Variants in CHCHD6 observed in about 807,000 individuals in gnomAD.
CHCHD6 encodes the protein coiled-coil-helix-coiled-coil-helix domain containing 6, also known as MICOS complex subunit MIC25.
A neutral mutation model predicts 32.3 loss-of-function variants in CHCHD6; 28 were observed. The observed-to-expected ratio is 0.87, with a 90% CI of 0.64 to 1.19. The LOEUF (loss-of-function observed/expected upper bound fraction) is 1.19. Ranked by LOEUF, CHCHD6 falls within the 50% of genes most tolerant of loss-of-function variation. CHCHD6 has a pLI of 0.00. For synonymous variants in CHCHD6, 122 were observed against 117.5 expected (o/e 1.04, Z -0.25); for missense variants, 333 against 307.0 (o/e 1.08, Z -0.63).
intron 6 of CHCHD6, among the ~76,000 whole-genome samples, chr3:126,934,623 A>G (rs903309174): frequency 3.0e-5 from 4 of 131,964 alleles, no homozygotes; most frequent in Non-Finnish European, 6.1e-5. Context: ...ATCTCGGCTC[A>G]CTGCAAGCTC....
At chr3:126,838,176 TATTTCAGCAGATGG>T (rs1407264740) in intron 4 of CHCHD6, among the ~76,000 whole-genome samples, 1 of 152,216 alleles carries the variant, frequency 6.6e-6, no homozygotes, top group Non-Finnish European at 1.5e-5. Flanking sequence ...GAGCCTACAG[TATTTCAGCAGATGG>T]TCTTGTAATA....
intron 1 of CHCHD6, among the ~76,000 whole-genome samples, chr3:126,722,077 G>A (rs1454127422): frequency 6.6e-6 from 1 of 152,162 alleles, no homozygotes; most frequent in African/African-American, 2.4e-5. Context: ...TGTCTTTGGT[G>A]TACAATGAGA....
intron 5 of CHCHD6, among the ~76,000 whole-genome samples, chr3:126,873,230 G>A (rs1282303860): frequency 7.2e-5 from 11 of 152,208 alleles, no homozygotes; most frequent in Admixed American, 6.5e-4. Context: ...GGAAAAGACC[G>A]CAGGCCTATT....
chr3:126,885,103 G>A (rs1033609548), intron 5 of CHCHD6, among the ~76,000 whole-genome samples: 2 of 152,190 alleles, frequency 1.3e-5, no homozygotes, highest in African/African-American at 4.8e-5. Context: ...AGACTCCCAG[G>A]CCCAGTGCTG....
intron 2 of CHCHD6, 64 bp downstream of exon 2, chr3:126,727,250 C>T (rs1935577551): frequency 1.7e-6 from 2 of 1,157,168 alleles, no homozygotes; most frequent in African/African-American, 1.5e-5. Context: ...TGGGTGCTCA[C>T]CCGAGCCCAC....
intron 1 of CHCHD6, among the ~76,000 whole-genome samples, chr3:126,721,297 G>A (rs1360563365): frequency 6.6e-6 from 1 of 152,196 alleles, no homozygotes; most frequent in Non-Finnish European, 1.5e-5. Flanking sequence ...GCCTTCCAAA[G>A]TGAACCTATG....
At chr3:126,900,879 C>T (rs1218064459) in intron 5 of CHCHD6, among the ~76,000 whole-genome samples, 1 of 152,048 alleles carries the variant, frequency 6.6e-6, no homozygotes, top group East Asian at 1.9e-4. Context: ...GCTGGGATTA[C>T]AGGTGTGAGC....
intron 4 of CHCHD6, among the ~76,000 whole-genome samples, chr3:126,839,341 C>A (rs1263400856): frequency 6.6e-6 from 1 of 152,196 alleles, no homozygotes; most frequent in African/African-American, 2.4e-5. Context: ...GTTCTTTGGA[C>A]ATCTCTCTGT....
intron 4 of CHCHD6, among the ~76,000 whole-genome samples, chr3:126,804,864 G>A (rs1283876924): frequency 1.3e-5 from 2 of 152,062 alleles, no homozygotes; most frequent in Admixed American, 6.5e-5. Context: ...GATCAAGTGG[G>A]CTTCATCCCT....
At chr3:126,937,878 G>A (rs993730836) in intron 6 of CHCHD6, among the ~76,000 whole-genome samples, 5 of 152,064 alleles carry the variant, frequency 3.3e-5, no homozygotes, top group Admixed American at 6.5e-5. Context: ...CTGGGGGAGC[G>A]GGATTTCAAT....
intron 5 of CHCHD6, among the ~76,000 whole-genome samples, chr3:126,880,309 CTGCAGGGCAGCAGGACCGG>C (rs1350489113): frequency 3.3e-5 from 5 of 152,130 alleles, no homozygotes; most frequent in African/African-American, 1.2e-4. Context: ...GAAGCCCCTC[CTGCAGGGCAGCAGGACCGG>C]CAGCTGCCAG....
intron 4 of CHCHD6, among the ~76,000 whole-genome samples, chr3:126,784,148 TTTC>T (rs1938084921): frequency 6.6e-6 from 1 of 152,092 alleles, no homozygotes. Context: ...CAGGAATCTA[TTTC>T]ACACTCCCCA....
intron 2 of CHCHD6, among the ~76,000 whole-genome samples, chr3:126,728,231 C>G (rs1037700255): frequency 6.6e-6 from 1 of 152,314 alleles, no homozygotes; most frequent in South Asian, 2.1e-4. Flanking sequence ...GGCAGGGACC[C>G]TCTCTCATGG....
intron 5 of CHCHD6, among the ~76,000 whole-genome samples, chr3:126,853,708 G>A (rs901527787): frequency 7.2e-5 from 11 of 152,124 alleles, no homozygotes; most frequent in Non-Finnish European, 8.8e-5. Flanking sequence ...TGAACACAGC[G>A]TGCTGATGGT....
At chr3:126,895,270 G>A (rs1319114284) in intron 5 of CHCHD6, among the ~76,000 whole-genome samples, 2 of 152,220 alleles carry the variant, frequency 1.3e-5, no homozygotes. Flanking sequence ...TTGCCGGAGG[G>A]CACAGTGAGT....
intron 4 of CHCHD6, among the ~76,000 whole-genome samples, chr3:126,740,583 G>A (rs549089944): frequency 1.1e-4 from 16 of 152,248 alleles, no homozygotes; most frequent in African/African-American, 3.6e-4. Flanking sequence ...TAACGTACAG[G>A]GCTAATCCTT....
At chr3:126,863,440 A>T (rs1308067773) in intron 5 of CHCHD6, among the ~76,000 whole-genome samples, 3 of 88,806 alleles carry the variant, frequency 3.4e-5, no homozygotes, top group Admixed American at 1.2e-4. Flanking sequence ...CTCCACCATC[A>T]CCTCCTCCTC....
chr3:126,795,294 CT>C (rs1938742287), intron 4 of CHCHD6, among the ~76,000 whole-genome samples: 1 of 152,172 alleles, frequency 6.6e-6, no homozygotes, highest in Non-Finnish European at 1.5e-5. Context: ...TCAGCTTTCT[CT>C]TGCATGAAAT....
chr3:126,916,914 C>T (rs1309337200), intron 6 of CHCHD6, among the ~76,000 whole-genome samples: 4 of 152,216 alleles, frequency 2.6e-5, no homozygotes, highest in African/African-American at 9.6e-5. Context: ...TACCTGGAGC[C>T]AGGACCCACC....
Sources: gnomAD v4.1 joint callset for allele counts (sites outside exome capture counted in the v4.1 genomes callset) on GRCh38, gnomAD v4.1.1 for gene constraint, MANE v1.5 for transcripts, NCBI Gene and HGNC (gene_info 2026-07-23, HGNC 2026-07-21) for gene names.